The following NDE1 variants were observed in gnomAD, a reference collection of about 807,000 sequenced individuals.
The protein encoded by NDE1 is nuclear distribution protein nudE homolog 1.
A neutral mutation model predicts 43.4 loss-of-function variants in NDE1; 28 were observed. The ratio of observed to expected loss-of-function variants is 0.65; its 90% confidence interval spans 0.48 to 0.89. The LOEUF is 0.89. Among genes scored for constraint, NDE1 ranks in the 40% least tolerant of loss-of-function variants. NDE1 has a pLI of 0.00. For missense variants in NDE1, 441 were observed against 434.1 expected (o/e 1.02, Z -0.14); for synonymous variants, 184 against 172.0 (o/e 1.07, Z -0.55).
intron 3 of NDE1, among the ~76,000 whole-genome samples, chr16:15,668,146 G>A (rs1279168564): frequency 1.3e-5 from 2 of 151,944 alleles, no homozygotes; most frequent in East Asian, 3.9e-4. Flanking sequence ...GGCAGATCAC[G>A]AGGTCAAGAG....
At chr16:15,720,587 GAA>G (rs79015002) in intron 8 of NDE1, among the ~76,000 whole-genome samples, 4 of 138,776 alleles carry the variant, frequency 2.9e-5, no homozygotes, top group African/African-American at 5.2e-5. Flanking sequence ...TGTCTCCACT[GAA>G]AAAAAAAAAA....
At chr16:15,676,639 ATTG>A (rs1308339337) in intron 3 of NDE1, among the ~76,000 whole-genome samples, 1 of 151,724 alleles carries the variant, frequency 6.6e-6, no homozygotes, top group Non-Finnish European at 1.5e-5. Flanking sequence ...CTGCCCTCCC[ATTG>A]TTGTGGGCAC....
At chr16:15,645,108 C>T (rs761824004) in intron 1 of NDE1, among the ~76,000 whole-genome samples, 4 of 152,008 alleles carry the variant, frequency 2.6e-5, no homozygotes, top group African/African-American at 9.6e-5. Flanking sequence ...TTAGTAGAGA[C>T]GGGATATTGC....
chr16:15,669,786 C>T (rs1596570920), intron 3 of NDE1, among the ~76,000 whole-genome samples: 2 of 152,184 alleles, frequency 1.3e-5, no homozygotes, highest in Admixed American at 6.6e-5. Context: ...TGAGTCACCC[C>T]GCCTGACCAC....
chr16:15,686,562 C>T (rs913906892), intron 4 of NDE1: 5 of 984,366 alleles, frequency 5.1e-6, no homozygotes, highest in Middle Eastern at 5.2e-4. Flanking sequence ...CCTGTAATCT[C>T]AGTAACTCAG....
At chr16:15,686,488 A>G in intron 4 of NDE1, 1 of 985,352 alleles carries the variant, frequency 1.0e-6, no homozygotes, top group Non-Finnish European at 1.2e-6. Flanking sequence ...ACTTCCACTG[A>G]GAGGTTAAAT....
At chr16:15,719,760 CA>C (rs752035759) in intron 8 of NDE1, 10 of 1,613,068 alleles carry the variant, frequency 6.2e-6, no homozygotes, top group Middle Eastern at 3.4e-4. Flanking sequence ...CTTACTCCCC[CA>C]AGTTCTGCTG....
At chr16:15,665,520 CT>C in intron 2 of NDE1, among the ~76,000 whole-genome samples, 1 of 152,056 alleles carries the variant, frequency 6.6e-6, no homozygotes, top group Non-Finnish European at 1.5e-5. Context: ...TCTTGGCTCA[CT>C]GCAGCCTCCA....
At chr16:15,698,789 A>G (rs1019448382) in intron 8 of NDE1, among the ~76,000 whole-genome samples, 1 of 151,984 alleles carries the variant, frequency 6.6e-6, no homozygotes, top group African/African-American at 2.4e-5. Context: ...TGAACCCAGG[A>G]AGTGGAGGTT....
rs560370549 is a variant in NDE1 at position 15,671,581 on chromosome 16, G to A, written c.237+4142G>A. Among the ~76,000 whole-genome samples, 10 of 152,190 alleles carry A rather than the reference G, an allele frequency of 6.6e-5. No individual in the cohort carries two copies. In the Middle Eastern group the frequency reaches 0.01, roughly 155 times the overall value. ...CCCCCAATCCCCATATCCGTGACAC[G>A]GAGACCTTAGTGTCATCTGCCTCTC... On this transcript the variant is annotated intron_variant, in intron 3 of 8. Coordinates refer to ENST00000396354, the MANE Select transcript of NDE1 (RefSeq NM_017668.3).
chr16:15,722,831 CACCCT>C (rs2040555469), intron 8 of NDE1, among the ~76,000 whole-genome samples: 1 of 152,182 alleles, frequency 6.6e-6, no homozygotes, highest in Admixed American at 6.5e-5. Flanking sequence ...ACCTCCACCC[CACCCT>C]GGGTTCAAGC....
intron 8 of NDE1, chr16:15,702,053 G>C (rs1567665983): frequency 2.0e-5 from 3 of 152,138 alleles, no homozygotes; most frequent in African/African-American, 7.2e-5. Context: ...ATTCAAGCCA[G>C]GTTTTTAGAA....
At chr16:15,712,072 A>G (rs2151183295) in intron 8 of NDE1, among the ~76,000 whole-genome samples, 1 of 152,232 alleles carries the variant, frequency 6.6e-6, no homozygotes, top group East Asian at 1.9e-4. Context: ...AAACGTTAAG[A>G]AGGACCACGA....
chr16:15,725,286 AC>A lies in NDE1; in HGVS notation c.*1036del, dbSNP rs2040699098. Reference sequence around the variant, plus strand: ...ATGGTATTGACTGGGACCTGATCCCACTAAATGGATCCTAGATCCCTGCCAA... The same window carrying A: ...ATGGTATTGACTGGGACCTGATCCCATAAATGGATCCTAGATCCCTGCCAA... On this transcript the variant is annotated 3_prime_UTR_variant, in exon 9 of 9. Transcript: ENST00000396354. The A allele has an allele frequency of 3.4e-6, 2 of 580,636 alleles. No individual in the cohort carries two copies. Among genetic ancestry groups the A allele is most frequent in the Non-Finnish European group, 6.1e-6 (2 of 328,210 alleles). 36.0% of individuals were successfully genotyped at this position (580,636 alleles called of 1,614,324 possible). A position where few individuals can be genotyped will look rare whatever the true frequency, so the allele number is the denominator to read the frequency against.
At chr16:15,669,385 C>T (rs1436455305) in intron 3 of NDE1, among the ~76,000 whole-genome samples, 8 of 123,838 alleles carry the variant, frequency 6.5e-5, no homozygotes, top group Non-Finnish European at 1.3e-4. Flanking sequence ...TTTTTTGAGA[C>T]GCAGTCTCAC....
chr16:15,720,822 TC>T, intron 8 of NDE1: 1 of 1,612,550 alleles, frequency 6.2e-7, no homozygotes, highest in Non-Finnish European at 8.5e-7. Context: ...TCTGCTGGCC[TC>T]CCCGGCAGCA....
intron 5 of NDE1, among the ~76,000 whole-genome samples, chr16:15,688,689 CTTT>C (rs1194565114): frequency 3.0e-4 from 18 of 59,994 alleles, no homozygotes; most frequent in African/African-American, 5.4e-4. Flanking sequence ...TTGTTTTTAC[CTTT>C]TTTTTTTTTT....
At chr16:15,668,108 A>G (rs1221483899) in intron 3 of NDE1, among the ~76,000 whole-genome samples, 3 of 152,030 alleles carry the variant, frequency 2.0e-5, no homozygotes, top group Non-Finnish European at 2.9e-5. Context: ...GCATACCTGT[A>G]ATCCCAGCAC....
chr16:15,714,789 C>T (rs1300377806), intron 8 of NDE1: 6 of 1,276,366 alleles, frequency 4.7e-6, no homozygotes, highest in Non-Finnish European at 6.7e-6. Flanking sequence ...CAGGAATAAA[C>T]CACAGAAGGG....
Sources: allele counts gnomAD v4.1 joint callset (sites outside exome capture counted in the v4.1 genomes callset), GRCh38; gene constraint gnomAD v4.1.1; transcripts MANE v1.5; gene names NCBI Gene and HGNC (gene_info 2026-07-23, HGNC 2026-07-21).